KIF13A: variants seen among roughly 807,000 people sequenced by gnomAD.
KIF13A encodes kinesin-like protein KIF13A.
In KIF13A, 79 loss-of-function variants were observed where a neutral mutation model predicts 212.2. That is an observed-to-expected ratio of 0.37 (90% CI 0.31 to 0.45). The LOEUF (loss-of-function observed/expected upper bound fraction) is 0.45. Ranked by LOEUF, KIF13A falls within the 20% of genes least tolerant of loss-of-function variation. KIF13A has a pLI of 1.00. For missense variants in KIF13A, 1,901 were observed against 2,209.0 expected (o/e 0.86, Z 2.79); for synonymous variants, 789 against 808.6 (o/e 0.98, Z 0.41).
In KIF13A at chr6:17,837,234, C is replaced by CA. The variant is rs1410051478; in HGVS notation, c.943-145dup. The CA allele has an allele frequency of 1.3e-5, 10 of 785,390 alleles. No individual in the cohort carries two copies. The highest frequency in any genetic ancestry group is 1.5e-5 in the Non-Finnish European group (7 of 482,074). 48.7% of individuals were successfully genotyped at this position (785,390 alleles called of 1,614,324 possible). On this transcript the variant is annotated intron_variant, in intron 10 of 38. Transcript: ENST00000259711. The surrounding 1 kb of genome is among the most constrained non-coding windows in gnomAD (Gnocchi z 5.4). ...TGGACTTGCATTTCACAAATAACGT[C>CA]ATGACAAGATGAAATGTGTCCTCTC...
intron 2 of KIF13A, among the ~76,000 whole-genome samples, chr6:17,942,129 C>G (rs1443187949): frequency 6.6e-6 from 1 of 151,842 alleles, no homozygotes; most frequent in Non-Finnish European, 1.5e-5. Flanking sequence ...GGCAAAACCT[C>G]ATCTCTATAA....
rs1430507828 is a variant in KIF13A, at chr6:17,883,523, C to T, written c.160-10086G>A. Among the ~76,000 whole-genome samples the T allele has an allele frequency of 1.3e-5, 2 of 152,130 alleles. No individual in the cohort carries two copies. Among genetic ancestry groups the T allele is most frequent in the East Asian group, 3.9e-4 (2 of 5,194 alleles). On this transcript the variant is annotated intron_variant, in intron 3 of 38. Transcript: ENST00000259711. The surrounding 1 kb of genome is among the most constrained non-coding windows in gnomAD (Gnocchi z 4.8). ...ATAGCAGCACCCCAACGATACTTTG[C>T]CAAAGCCTCCATTTTTACTTCAACT...
Position 17,955,655 on chromosome 6 carries a change from T to G in KIF13A, c.146+31399A>C, listed in dbSNP as rs915710377. Among the ~76,000 whole-genome samples, 5 of 152,174 alleles carry G rather than the reference T, an allele frequency of 3.3e-5. No homozygotes were observed. In the East Asian group the frequency reaches 9.6e-4, roughly 29 times the overall value. ...CAACTAATCTTAATGATTTGGTTGT[T>G]TGGATGAGATAATATTGAAGACAAA... On this transcript the variant is annotated intron_variant, in intron 2 of 38. Transcript: ENST00000259711.
chr6:17,960,116 C>A (rs537110578), intron 2 of KIF13A, among the ~76,000 whole-genome samples: 98 of 151,886 alleles, frequency 6.5e-4, no homozygotes, highest in Non-Finnish European at 1.1e-3. Context: ...GTTTATCATG[C>A]ATTCATTTTG....
chr6:17,768,612 T>G lies in KIF13A; in HGVS notation c.4581+2502A>C, dbSNP rs1759230159. On this transcript the variant is annotated intron_variant, in intron 38 of 38. Coordinates refer to ENST00000259711, the MANE Select transcript of KIF13A (RefSeq NM_022113.6). The surrounding 1 kb of genome is among the most constrained non-coding windows in gnomAD (Gnocchi z 5.4). ...GAATTGCACTATATTTGAAAGCACC[T>G]GGAGTCACTGGAGTCCCCTTAATTA... 6.6e-6 allele frequency among the ~76,000 whole-genome samples: 1 copy of G among 152,214 alleles called. No individual in the cohort carries two copies. Among genetic ancestry groups the G allele is most frequent in the Non-Finnish European group, 1.5e-5 (1 of 68,034 alleles).
intron 25 of KIF13A, among the ~76,000 whole-genome samples, chr6:17,790,250 A>T (rs61472726): frequency 0.043 from 6,606 of 152,010 alleles, 349 homozygotes; most frequent in African/African-American, 0.12. Context: ...AAAAAATTTT[A>T]AAAAATTAGC....
At chr6:17,944,586 T>C (rs1216432952) in intron 2 of KIF13A, among the ~76,000 whole-genome samples, 1 of 151,250 alleles carries the variant, frequency 6.6e-6, no homozygotes, top group Non-Finnish European at 1.5e-5. Context: ...CCAAATTAAC[T>C]CCCCCTGTCT....
At chr6:17,874,952 C>CTTTTTTTTTTTTT (rs1217572840) in intron 3 of KIF13A, among the ~76,000 whole-genome samples, 1 of 145,286 alleles carries the variant, frequency 6.9e-6, no homozygotes, top group African/African-American at 2.5e-5. Context: ...TAATTCATTC[C>CTTTTTTTTTTTTT]TTTTTATGGC....
At chr6:17,958,862 G>A (rs926514775) in intron 2 of KIF13A, among the ~76,000 whole-genome samples, 21 of 131,958 alleles carry the variant, frequency 1.6e-4, no homozygotes, top group Admixed American at 1.5e-3. Context: ...ACATTTGTGT[G>A]TCTTTTTCTT....
At chr6:17,955,804 T>C (rs551376679) in intron 2 of KIF13A, among the ~76,000 whole-genome samples, 1 of 152,226 alleles carries the variant, frequency 6.6e-6, no homozygotes, top group Non-Finnish European at 1.5e-5. Flanking sequence ...TTTGTTTCCA[T>C]GCATTAACCT....
chr6:17,790,275 T>C (rs1327136624), intron 25 of KIF13A, among the ~76,000 whole-genome samples: 1 of 152,128 alleles, frequency 6.6e-6, no homozygotes, highest in African/African-American at 2.4e-5. Flanking sequence ...TTTGGTAGTG[T>C]GCAACTGTAT....
At chr6:17,765,031 G>C in intron 38 of KIF13A, 85 bp from the exon 39 acceptor site, 2 of 1,020,314 alleles carry the variant, frequency 2.0e-6, no homozygotes, top group Non-Finnish European at 2.8e-6. Context: ...GGCTGTTAAA[G>C]GCATTCACAT....
Position 17,780,909 on chromosome 6 carries a change from A to T in KIF13A, c.3670-3T>A, listed in dbSNP as rs1327880310. On this transcript the variant is annotated splice_region_variant and splice_polypyrimidine_tract_variant and intron_variant, in intron 30 of 38. Transcript: ENST00000259711. ...TCCCAAGAGGCTGTGGCTGAAACCT[A>T]GGAGTTGGGGAATGATGAGGAGATG... is the stretch of plus-strand genomic sequence containing the variant. 6.2e-7 allele frequency: 1 copy of T among 1,612,130 alleles called. No homozygotes were observed. Among genetic ancestry groups the T allele is most frequent in the South Asian group, 1.1e-5 (1 of 90,922 alleles).
Position 17,777,263 on chromosome 6 carries a change from C to G in KIF13A, c.4170+14G>C, listed in dbSNP as rs765804236. 7.0e-5 allele frequency: 112 copies of G among 1,598,602 alleles called. No homozygotes were observed. The East Asian group carries it at 2.4e-3, about 34-fold the overall frequency. ...ATGTCACATAGGAGCAGATCCTTGG[C>G]AGGATGCACTTACATTATGAACATT... On this transcript the variant is annotated intron_variant, in intron 34 of 38. Transcript: ENST00000259711. The surrounding 1 kb of genome is among the most constrained non-coding windows in gnomAD (Gnocchi z 4.4).
chr6:17,810,451 A>G (rs576097537), intron 17 of KIF13A, among the ~76,000 whole-genome samples: 50 of 152,208 alleles, frequency 3.3e-4, no homozygotes, highest in Admixed American at 1.3e-3. Flanking sequence ...CTCTTCCATA[A>G]ATCACCTTCT....
At chr6:17,944,440 G>A in intron 2 of KIF13A, among the ~76,000 whole-genome samples, 1 of 152,114 alleles carries the variant, frequency 6.6e-6, no homozygotes, top group East Asian at 1.9e-4. Context: ...TTATCTAGCT[G>A]CACTAATAAA....
At position 17,771,570 on chromosome 6, in the gene KIF13A, C is replaced by A; in HGVS notation, c.4476+338G>T. 1 of 332,104 alleles carries A rather than the reference C, an allele frequency of 3.0e-6. No homozygotes were observed. The highest frequency in any genetic ancestry group is 5.5e-6 in the Non-Finnish European group (1 of 183,036). 20.6% of individuals were successfully genotyped at this position (332,104 alleles called of 1,614,324 possible). The stretch of plus-strand genomic sequence containing the variant: ...AGCAAGACCCTATCTCTATAAAAAA[C>A]AAAATCAGAAATCCCCAAAAAGACA... On this transcript the variant is annotated intron_variant, in intron 37 of 38. Transcript: ENST00000259711. This position sits in a 1 kb window ranked among gnomAD's most constrained non-coding sequence, Gnocchi z 5.4.
At chr6:17,935,088 T>G (rs187953231) in intron 2 of KIF13A, among the ~76,000 whole-genome samples, 90 of 152,316 alleles carry the variant, frequency 5.9e-4, no homozygotes, top group African/African-American at 2.0e-3. Context: ...CTAGTTGTGT[T>G]ATTTTCACCA....
Position 17,794,730 on chromosome 6 carries a change from A to G in KIF13A, c.2943-26T>C, listed in dbSNP as rs367925833. 174 of 1,600,330 alleles carry G rather than the reference A, an allele frequency of 1.1e-4. No individual in the cohort carries two copies. The highest frequency in any genetic ancestry group is 1.4e-4 in the Non-Finnish European group (166 of 1,176,248). On this transcript the variant is annotated intron_variant, in intron 23 of 38. Coordinates refer to ENST00000259711, the MANE Select transcript of KIF13A (RefSeq NM_022113.6). This position sits in a 1 kb window ranked among gnomAD's most constrained non-coding sequence, Gnocchi z 4.1. ...CTGCAGAAACACATTCCAACAAGCA[A>G]GAGCGTCATCGTCCAGGGATACTGT...
Sources: gnomAD v4.1 joint callset for allele counts (sites outside exome capture counted in the v4.1 genomes callset) on GRCh38, gnomAD v4.1.1 for gene constraint, Gnocchi (gnomAD v3.1) non-coding constraint, MANE v1.5 for transcripts, NCBI Gene and HGNC (gene_info 2026-07-23, HGNC 2026-07-21) for gene names.